The following CSMD1 variants were observed in gnomAD, a reference collection of about 807,000 sequenced individuals.
The protein encoded by CSMD1 is CUB and sushi domain-containing protein 1.
A neutral mutation model predicts 417.5 loss-of-function variants in CSMD1; 213 were observed. That is an observed-to-expected ratio of 0.51 (90% CI 0.46 to 0.57). The LOEUF is 0.57. CSMD1 is among the 20% of genes least tolerant of loss of function. The pLI is 0.00. For synonymous variants in CSMD1, 2,862 were observed against 1,736.8 expected (o/e 1.65, Z -16.11); for missense variants, 6,923 against 4,529.7 (o/e 1.53, Z -15.17).
At chr8:4,639,050 T>G (rs1193370931) in intron 1 of CSMD1, among the ~76,000 whole-genome samples, 1 of 152,072 alleles carries the variant, frequency 6.6e-6, no homozygotes, top group Non-Finnish European at 1.5e-5. Flanking sequence ...CTGACCCACC[T>G]ATTCTATTTT....
intron 3 of CSMD1, among the ~76,000 whole-genome samples, chr8:4,361,695 C>G (rs1801774958): frequency 6.6e-6 from 1 of 151,856 alleles, no homozygotes; most frequent in Non-Finnish European, 1.5e-5. Flanking sequence ...TTGGCTCACG[C>G]CTGTAATCCC....
intron 10 of CSMD1, among the ~76,000 whole-genome samples, chr8:3,572,827 C>G (rs929143390): frequency 6.6e-6 from 1 of 152,082 alleles, no homozygotes; most frequent in Non-Finnish European, 1.5e-5. Context: ...AGCCCCCAAA[C>G]AAACTCAATT....
chr8:4,552,234 TC>T (rs1439747777), intron 2 of CSMD1, among the ~76,000 whole-genome samples: 1 of 152,146 alleles, frequency 6.6e-6, no homozygotes, highest in African/African-American at 2.4e-5. Context: ...AGCCTCCCTT[TC>T]AAGGTTAGTA....
chr8:3,768,314 G>T (rs1186829776), intron 5 of CSMD1, among the ~76,000 whole-genome samples: 4 of 152,272 alleles, frequency 2.6e-5, no homozygotes, highest in South Asian at 2.1e-4. Flanking sequence ...CCCACTCAGT[G>T]AATAATCCAA....
chr8:4,109,256 G>T (rs368650861), intron 3 of CSMD1, among the ~76,000 whole-genome samples: 15 of 152,048 alleles, frequency 9.9e-5, no homozygotes, highest in African/African-American at 3.1e-4. Context: ...GAATGTTTTT[G>T]ACCCTTGGTT....
intron 3 of CSMD1, among the ~76,000 whole-genome samples, chr8:4,066,532 C>G (rs771088112): frequency 1.3e-5 from 2 of 152,104 alleles, no homozygotes; most frequent in Non-Finnish European, 2.9e-5. Context: ...CTAAATGTAT[C>G]TACCTGAAAT....
intron 1 of CSMD1, among the ~76,000 whole-genome samples, chr8:4,817,990 G>T (rs1050946370): frequency 1.3e-5 from 2 of 152,108 alleles, no homozygotes; most frequent in Non-Finnish European, 2.9e-5. Flanking sequence ...TCACATTGAG[G>T]TATTATGCAT....
At chr8:4,836,108 G>C (rs1050846476) in intron 1 of CSMD1, among the ~76,000 whole-genome samples, 3 of 152,130 alleles carry the variant, frequency 2.0e-5, no homozygotes, top group Non-Finnish European at 4.4e-5. Context: ...TCAACTGTCA[G>C]AGCTTCAGCT....
intron 37 of CSMD1, among the ~76,000 whole-genome samples, chr8:3,175,483 T>TGCCTGCCTGCCTG (rs1820863960): frequency 1.6e-5 from 2 of 121,588 alleles, no homozygotes; most frequent in Non-Finnish European, 3.3e-5. Flanking sequence ...TTCCCTTCCT[T>TGCCTGCCTGCCTG]CCTGCCTGCC....
rs527888987 is a variant in CSMD1, at chr8:3,499,449, C to T, written c.1345-5723G>A. Among the ~76,000 whole-genome samples, 15 of 152,184 alleles carry T rather than the reference C, an allele frequency of 9.9e-5. No individual in the cohort carries two copies. The South Asian group carries it at 2.3e-3, about 23-fold the overall frequency. On this transcript the variant is annotated intron_variant, in intron 10 of 69. Coordinates refer to ENST00000635120, the MANE Select transcript of CSMD1 (RefSeq NM_033225.6). ...GTGGTTGGCCTCAGGTGGGCTGGTC[C>T]TTGGGTCCCTGGGGAGCATGTGTGA...
intron 3 of CSMD1, among the ~76,000 whole-genome samples, chr8:4,332,297 G>C (rs77930579): frequency 0.011 from 1,659 of 152,202 alleles, 26 homozygotes; most frequent in African/African-American, 0.037. Context: ...GCCTCTCTTG[G>C]AGATGCTCTT....
chr8:3,942,134 G>A (rs561605562), intron 5 of CSMD1, among the ~76,000 whole-genome samples: 53 of 151,880 alleles, frequency 3.5e-4, no homozygotes, highest in Non-Finnish European at 6.9e-4. Context: ...AGATGGGATC[G>A]TCACCCCCAG....
At chr8:4,657,978 A>C (rs1173598535) in intron 1 of CSMD1, among the ~76,000 whole-genome samples, 1 of 110,064 alleles carries the variant, frequency 9.1e-6, no homozygotes. Flanking sequence ...AAGTTGGTTA[A>C]AGCAGGTAGA....
At chr8:3,718,949 T>A (rs772528282) in intron 6 of CSMD1, among the ~76,000 whole-genome samples, 83 of 151,820 alleles carry the variant, frequency 5.5e-4, no homozygotes, top group Non-Finnish European at 1.0e-3. Context: ...AGAGGGAGAA[T>A]AGAAGGAGCG....
intron 5 of CSMD1, among the ~76,000 whole-genome samples, chr8:3,941,967 C>T (rs1810914192): frequency 6.6e-6 from 1 of 152,048 alleles, no homozygotes; most frequent in Admixed American, 6.6e-5. Flanking sequence ...ACAGCCCCTC[C>T]CCATTGCTGG....
intron 17 of CSMD1, among the ~76,000 whole-genome samples, chr8:3,388,560 G>A (rs192471795): frequency 1.6e-4 from 25 of 152,272 alleles, no homozygotes; most frequent in African/African-American, 5.3e-4. Context: ...TTTAAAGACT[G>A]TTTAGTCTCT....
At chr8:4,062,348 G>A (rs17068827) in intron 3 of CSMD1, among the ~76,000 whole-genome samples, 1 of 151,840 alleles carries the variant, frequency 6.6e-6, no homozygotes, top group East Asian at 1.9e-4. Context: ...AGTGGCAGAA[G>A]AATTTTCATT....
intron 11 of CSMD1, among the ~76,000 whole-genome samples, chr8:3,478,461 A>G (rs7832661): frequency 0.68 from 102,814 of 152,014 alleles, 34,980 homozygotes; most frequent in Middle Eastern, 0.78. Context: ...TAAAACACAA[A>G]TATCAGGCCT....
chr8:3,620,017 G>T (rs57023929), intron 7 of CSMD1, among the ~76,000 whole-genome samples: 4 of 152,110 alleles, frequency 2.6e-5, no homozygotes, highest in African/African-American at 9.7e-5. Context: ...CAGGAGAATA[G>T]CTTGAACCTG....
Sources: allele counts gnomAD v4.1 joint callset (sites outside exome capture counted in the v4.1 genomes callset), GRCh38; gene constraint gnomAD v4.1.1; transcripts MANE v1.5; gene names NCBI Gene and HGNC (gene_info 2026-07-23, HGNC 2026-07-21).